The following STAC variants were observed in gnomAD, a reference collection of about 807,000 sequenced individuals.
The protein encoded by STAC is SH3 and cysteine-rich domain-containing protein.
STAC carries 43 observed loss-of-function variants against 48.8 expected under a neutral mutation model. The observed-to-expected ratio is 0.88, with a 90% CI of 0.69 to 1.14. STAC has a LOEUF of 1.14. Ranked by LOEUF, STAC falls within the 50% of genes most tolerant of loss-of-function variation. STAC has a pLI of 0.00. For synonymous variants in STAC, 193 were observed against 179.5 expected, an observed-to-expected ratio of 1.07 and a Z score of -0.60; for missense variants, 497 against 504.0, an observed-to-expected ratio of 0.99 and a Z score of 0.13.
Position 36,528,998 on chromosome 3 carries a change from C to T in STAC, c.1110+13C>T. 1 of 1,587,700 alleles carries T rather than the reference C, an allele frequency of 6.3e-7. No homozygotes were observed. The highest frequency in any genetic ancestry group is 8.6e-7 in the Non-Finnish European group (1 of 1,164,694). ...GAAAGAGAATCAGGTGAGTAAACCACACAAACACATTCCAGATATGAGCCA... is the reference window on the plus strand; with the variant it reads ...GAAAGAGAATCAGGTGAGTAAACCATACAAACACATTCCAGATATGAGCCA... On this transcript the variant is annotated intron_variant, in intron 10 of 10. Coordinates refer to ENST00000273183, the MANE Select transcript of STAC (RefSeq NM_003149.3).
intron 10 of STAC, among the ~76,000 whole-genome samples, chr3:36,533,595 G>T (rs1699125981): frequency 7.2e-6 from 1 of 138,480 alleles, no homozygotes; most frequent in Admixed American, 8.0e-5. Context: ...ATTAAAATTT[G>T]CTCAAGTTGA....
intron 1 of STAC, among the ~76,000 whole-genome samples, chr3:36,414,519 G>A (rs146007987): frequency 0.018 from 2,747 of 152,240 alleles, 50 homozygotes; most frequent in Non-Finnish European, 0.025. Context: ...ATGGTTTTCA[G>A]CTCCATCAGG....
intron 5 of STAC, among the ~76,000 whole-genome samples, chr3:36,488,597 C>T (rs1355086190): frequency 1.4e-5 from 2 of 138,962 alleles, no homozygotes; most frequent in Admixed American, 1.6e-4. Flanking sequence ...TCCTCTTGCC[C>T]AAGCACCAAA....
chr3:36,457,294 T>C (rs10514699), intron 2 of STAC, among the ~76,000 whole-genome samples: 20,625 of 152,234 alleles, frequency 0.14, 1,588 homozygotes, highest in African/African-American at 0.21. Context: ...CTTGGACAAC[T>C]GATTTACCTT....
Position 36,528,815 on chromosome 3 carries a change from A to G in STAC, c.973-33A>G, listed in dbSNP as rs751810041. The G allele has an allele frequency of 2.8e-5, 45 of 1,609,540 alleles. No homozygotes were observed. The South Asian group carries it at 4.6e-4, about 17-fold the overall frequency. ...TGGTAACTATTATAATACATGCTAC[A>G]ATTGTGGATGCATGCCTCCTTTTTC... On this transcript the variant is annotated intron_variant, in intron 9 of 10. Transcript: ENST00000273183.
intron 10 of STAC, 147 bp downstream of exon 10, chr3:36,529,132 G>C (rs1699007803): frequency 4.6e-6 from 4 of 861,468 alleles, no homozygotes; most frequent in Non-Finnish European, 6.5e-6. Flanking sequence ...AATGATGTCA[G>C]TGTTGTAGGA....
intron 2 of STAC, among the ~76,000 whole-genome samples, chr3:36,470,650 C>CTCAGCTT (rs1359495864): frequency 6.6e-6 from 1 of 152,242 alleles, no homozygotes; most frequent in Admixed American, 6.5e-5. Flanking sequence ...TATTGATTCT[C>CTCAGCTT]TCAGCTTTCC....
chr3:36,511,923 C>T (rs920682480), intron 8 of STAC, among the ~76,000 whole-genome samples: 1 of 152,188 alleles, frequency 6.6e-6, no homozygotes, highest in African/African-American at 2.4e-5. Context: ...CACCACACCT[C>T]ATGGTGGATA....
At chr3:36,459,205 C>T (rs1696934133) in intron 2 of STAC, 1 of 151,890 alleles carries the variant, frequency 6.6e-6, no homozygotes, top group African/African-American at 2.4e-5. Flanking sequence ...TTCTTTTTTT[C>T]CCCACAGATG....
chr3:36,514,262 C>T (rs1409592324), intron 8 of STAC, among the ~76,000 whole-genome samples: 1 of 123,730 alleles, frequency 8.1e-6, no homozygotes, highest in Non-Finnish European at 1.6e-5. Flanking sequence ...CGCCCACTTG[C>T]CAAAGGATTT....
At chr3:36,414,682 C>T (rs1700277481) in intron 1 of STAC, among the ~76,000 whole-genome samples, 1 of 152,178 alleles carries the variant, frequency 6.6e-6, no homozygotes, top group South Asian at 2.1e-4. Flanking sequence ...ACTCGTCATT[C>T]TCTGTCCAGC....
intron 1 of STAC, among the ~76,000 whole-genome samples, chr3:36,404,603 A>G (rs915384789): frequency 6.6e-6 from 1 of 152,186 alleles, no homozygotes; most frequent in African/African-American, 2.4e-5. Context: ...TATCATAATT[A>G]TAATGATTAA....
At chr3:36,491,007 C>A (rs1485802624) in intron 5 of STAC, among the ~76,000 whole-genome samples, 1 of 152,100 alleles carries the variant, frequency 6.6e-6, no homozygotes, top group Admixed American at 6.5e-5. Context: ...AAAGACAAAC[C>A]AAATTGTACT....
chr3:36,395,328 G>A (rs940499619), intron 1 of STAC, among the ~76,000 whole-genome samples: 6 of 152,164 alleles, frequency 3.9e-5, no homozygotes, highest in African/African-American at 1.2e-4. Flanking sequence ...GGATTGGCAT[G>A]GGGAGCACCT....
chr3:36,526,312 G>A (rs182214222), intron 8 of STAC, among the ~76,000 whole-genome samples: 2 of 152,270 alleles, frequency 1.3e-5, no homozygotes, highest in East Asian at 3.9e-4. Flanking sequence ...AAACAGAGGT[G>A]GATGGAGCCT....
chr3:36,531,809 A>G (rs1699079126), intron 10 of STAC, among the ~76,000 whole-genome samples: 1 of 152,186 alleles, frequency 6.6e-6, no homozygotes, highest in Non-Finnish European at 1.5e-5. Context: ...CTGCCTTTGG[A>G]GAAGTGAGGA....
chr3:36,542,303 G>T (rs79162033), intron 10 of STAC, among the ~76,000 whole-genome samples: 17,061 of 152,176 alleles, frequency 0.11, 1,157 homozygotes, highest in Non-Finnish European at 0.15. Context: ...CTCCTTGTCG[G>T]TGATGACTTT....
chr3:36,395,044 T>C (rs937316736), intron 1 of STAC, among the ~76,000 whole-genome samples: 77 of 140,688 alleles, frequency 5.5e-4, no homozygotes, highest in African/African-American at 2.0e-3. Flanking sequence ...TATATATATA[T>C]CAAAATATTT....
rs768904235 is a variant in STAC, at chr3:36,486,229, G to A, written c.667G>A (p.Asp223Asn). The change falls in exon 5 of 11, where the codon GAC (aspartate) becomes AAC (asparagine). Residue 223 changes from aspartate to asparagine, a missense_variant. Physicochemically the swap from Asp to Asn is conservative, Grantham distance 23 (BLOSUM62 1). Coordinates refer to ENST00000273183, the MANE Select transcript of STAC (RefSeq NM_003149.3). ...GAAGGGCAGCTCCGGCAGTGGCTCT[G>A]ACTCACCTCACAGAACCTCTGTAAT... Reference protein sequence around the residue: ...TKKGSSGSGSDSPHRTSTSDL... With the variant: ...TKKGSSGSGSNSPHRTSTSDL... The A allele has an allele frequency of 5.0e-6, 8 of 1,613,890 alleles. No homozygotes were observed. In the East Asian group the frequency reaches 1.6e-4, roughly 31 times the overall value.
Sources: gnomAD v4.1 joint callset for allele counts (sites outside exome capture counted in the v4.1 genomes callset) on GRCh38, gnomAD v4.1.1 for gene constraint, MANE v1.5 for transcripts, NCBI Gene and HGNC (gene_info 2026-07-23, HGNC 2026-07-21) for gene names.